PRKN: variants seen among roughly 807,000 people sequenced by gnomAD.
The protein encoded by PRKN is parkin RBR E3 ubiquitin protein ligase.
A neutral mutation model predicts 59.5 loss-of-function variants in PRKN; 56 were observed. The observed-to-expected ratio is 0.94, with a 90% CI of 0.76 to 1.18. PRKN has a LOEUF of 1.18. Among genes scored for constraint, PRKN ranks in the 50% most tolerant of loss-of-function variants. PRKN has a pLI of 0.00. For synonymous variants in PRKN, 250 were observed against 222.1 expected (o/e 1.13, Z -1.12); for missense variants, 657 against 596.4 (o/e 1.10, Z -1.06).
intron 3 of PRKN, among the ~76,000 whole-genome samples, chr6:162,241,362 T>C (rs1778984445): frequency 6.6e-6 from 1 of 152,142 alleles, no homozygotes; most frequent in Non-Finnish European, 1.5e-5. Context: ...TAGATATTCA[T>C]TACTTTATTA....
intron 3 of PRKN, among the ~76,000 whole-genome samples, chr6:162,236,832 G>A (rs1488331453): frequency 6.6e-6 from 1 of 150,932 alleles, no homozygotes; most frequent in East Asian, 1.9e-4. Context: ...GACAGAGAGA[G>A]AGAGAAAGAA....
intron 4 of PRKN, among the ~76,000 whole-genome samples, chr6:162,137,932 G>C (rs1047366382): frequency 6.6e-6 from 1 of 152,058 alleles, no homozygotes; most frequent in African/African-American, 2.4e-5. Flanking sequence ...TGATTGGACT[G>C]AGGTAATGCG....
At chr6:161,408,571 C>T (rs1787385034) in intron 9 of PRKN, among the ~76,000 whole-genome samples, 1 of 149,778 alleles carries the variant, frequency 6.7e-6, no homozygotes, top group Admixed American at 6.7e-5. Flanking sequence ...CATTTTTCCA[C>T]TTAACAATAT....
intron 2 of PRKN, among the ~76,000 whole-genome samples, chr6:162,265,622 C>T (rs531016663): frequency 6.6e-6 from 1 of 152,082 alleles, no homozygotes; most frequent in African/African-American, 2.4e-5. Context: ...ACCCAGGAGG[C>T]GAAGGTTGCA....
chr6:162,074,840 C>T (rs1778752637), intron 4 of PRKN, among the ~76,000 whole-genome samples: 1 of 152,148 alleles, frequency 6.6e-6, no homozygotes, highest in Admixed American at 6.5e-5. Context: ...CCAAACTATT[C>T]CTGAACCACA....
At chr6:161,434,470 G>A (rs867977396) in intron 9 of PRKN, among the ~76,000 whole-genome samples, 11 of 152,242 alleles carry the variant, frequency 7.2e-5, no homozygotes, top group Middle Eastern at 3.4e-3. Context: ...AGCCAGAGCC[G>A]CCCAAGCTTC....
At chr6:161,866,739 G>A (rs887410756) in intron 6 of PRKN, among the ~76,000 whole-genome samples, 30 of 152,128 alleles carry the variant, frequency 2.0e-4, no homozygotes, top group Non-Finnish European at 5.9e-5. Flanking sequence ...TACGATAGAC[G>A]GCAATAAAAC....
intron 4 of PRKN, among the ~76,000 whole-genome samples, chr6:162,095,525 C>G (rs1779688597): frequency 6.6e-6 from 1 of 152,132 alleles, no homozygotes; most frequent in African/African-American, 2.4e-5. Flanking sequence ...GAGATTTCAG[C>G]AGTTACGATC....
intron 6 of PRKN, among the ~76,000 whole-genome samples, chr6:161,877,670 G>A (rs1379828726): frequency 2.6e-5 from 4 of 151,620 alleles, no homozygotes; most frequent in East Asian, 1.9e-4. Context: ...GGGTTACACC[G>A]TGTTAGCCAG....
At chr6:162,261,432 G>A (rs1178978444) in intron 3 of PRKN, among the ~76,000 whole-genome samples, 1 of 152,130 alleles carries the variant, frequency 6.6e-6, no homozygotes, top group Non-Finnish European at 1.5e-5. Context: ...TGGAGCATGA[G>A]TATTCTCTAG....
At chr6:162,456,048 T>C (rs1178020565) in intron 1 of PRKN, among the ~76,000 whole-genome samples, 5 of 152,148 alleles carry the variant, frequency 3.3e-5, no homozygotes, top group Non-Finnish European at 5.9e-5. Context: ...TTCAATTGGG[T>C]TATAAATTGA....
In PRKN at chr6:161,863,972, C is replaced by A. The variant is rs1374643776; in HGVS notation, c.735-78064G>T. Among the ~76,000 whole-genome samples, 3 of 152,176 alleles carry A rather than the reference C, an allele frequency of 2.0e-5. No homozygotes were observed. The East Asian group carries it at 5.8e-4, about 29-fold the overall frequency. On this transcript the variant is annotated intron_variant, in intron 6 of 11. Transcript: ENST00000366898. ...TTTTATTGCTAAAAATGCTAATGAT[C>A]ATCTGAGCATTCAGCAGCTTTTAAT...
chr6:162,464,464 A>G (rs1466651081), intron 1 of PRKN, among the ~76,000 whole-genome samples: 2 of 152,126 alleles, frequency 1.3e-5, no homozygotes, highest in Non-Finnish European at 2.9e-5. Context: ...TTCCTAAAAT[A>G]TAGCACTAAT....
chr6:161,462,755 G>A lies in PRKN; in HGVS notation c.1084-75878C>T, dbSNP rs1790280434. Among the ~76,000 whole-genome samples the A allele has an allele frequency of 6.6e-6, 1 of 152,152 alleles. No homozygotes were observed. The highest frequency in any genetic ancestry group is 2.4e-5 in the African/African-American group (1 of 41,428). On this transcript the variant is annotated intron_variant, in intron 9 of 11. Coordinates refer to ENST00000366898, the MANE Select transcript of PRKN (RefSeq NM_004562.3). The surrounding 1 kb of genome is among the most constrained non-coding windows in gnomAD (Gnocchi z 4.5). The stretch of plus-strand genomic sequence containing the variant: ...CTGGAAAATATCACCCTGTTTCTCT[G>A]GAGAACGGTAGCAATAAAAACACAC...
rs1025573493 is a variant in PRKN, at chr6:161,369,461, C to T, written c.1168-9256G>A. Among the ~76,000 whole-genome samples, 42 of 152,272 alleles carry T rather than the reference C, an allele frequency of 2.8e-4. No individual in the cohort carries two copies. Among genetic ancestry groups the T allele is most frequent in the African/African-American group, 9.6e-4 (40 of 41,564 alleles). On this transcript the variant is annotated intron_variant, in intron 10 of 11. Coordinates refer to ENST00000366898, the MANE Select transcript of PRKN (RefSeq NM_004562.3). This position sits in a 1 kb window ranked among gnomAD's most constrained non-coding sequence, Gnocchi z 5.8. ...AGCTGGGTAACTTACCCTCTGTTCC[C>T]GCCTTAGTCATCAAGCTCTAAAGCA...
intron 7 of PRKN, among the ~76,000 whole-genome samples, chr6:161,777,844 ATGTATATATG>A (rs1441655707): frequency 5.9e-5 from 8 of 136,086 alleles, no homozygotes; most frequent in Admixed American, 2.1e-4. Context: ...ATACGTATAT[ATGTATATATG>A]TGTATATATG....
intron 1 of PRKN, among the ~76,000 whole-genome samples, chr6:162,464,659 CAAA>C (rs1164797005): frequency 2.5e-5 from 2 of 79,918 alleles, no homozygotes; most frequent in Non-Finnish European, 5.1e-5. Flanking sequence ...ACTAAAAATA[CAAA>C]AAAAAAAAAA....
rs1786177282 is a variant in PRKN at position 161,385,078 on chromosome 6, C to CCT, written c.1167+1715_1167+1716insAG. Among the ~76,000 whole-genome samples, 1 of 152,060 alleles carries CCT rather than the reference C, an allele frequency of 6.6e-6. No individual in the cohort carries two copies. The highest frequency in any genetic ancestry group is 1.5e-5 in the Non-Finnish European group (1 of 68,002). On this transcript the variant is annotated intron_variant, in intron 10 of 11. Coordinates refer to ENST00000366898, the MANE Select transcript of PRKN (RefSeq NM_004562.3). The surrounding 1 kb of genome is among the most constrained non-coding windows in gnomAD (Gnocchi z 4.9). ...CTGAATAGCTGGGATTACAGGTGCACGCCACCACACCCAGCTAATTTTTGT... is the reference window on the plus strand; with the variant it reads ...CTGAATAGCTGGGATTACAGGTGCACCTGCCACCACACCCAGCTAATTTTTGT...
chr6:162,365,678 C>T (rs1197057176), intron 2 of PRKN, among the ~76,000 whole-genome samples: 1 of 152,146 alleles, frequency 6.6e-6, no homozygotes, highest in Non-Finnish European at 1.5e-5. Flanking sequence ...TCCAAGGTTA[C>T]TTCCTTGGTG....
Sources: gnomAD v4.1 joint callset for allele counts (sites outside exome capture counted in the v4.1 genomes callset) on GRCh38, gnomAD v4.1.1 for gene constraint, Gnocchi (gnomAD v3.1) non-coding constraint, MANE v1.5 for transcripts, NCBI Gene and HGNC (gene_info 2026-07-23, HGNC 2026-07-21) for gene names.